Variants in CDIN1 observed in about 807,000 individuals in gnomAD.
CDIN1 encodes the protein CDAN1 interacting nuclease 1.
A neutral mutation model predicts 45.3 loss-of-function variants in CDIN1; 33 were observed. The observed-to-expected ratio is 0.73, with a 90% CI of 0.55 to 0.97. CDIN1 has a LOEUF of 0.97. CDIN1 is among the 50% of genes least tolerant of loss of function. CDIN1 has a pLI of 0.00. For missense variants in CDIN1, 303 were observed against 339.4 expected, an observed-to-expected ratio of 0.89 and a Z score of 0.84; for synonymous variants, 118 against 124.4, an observed-to-expected ratio of 0.95 and a Z score of 0.34.
chr15:36,687,098 G>T lies in CDIN1; in HGVS notation c.347-4587G>T, dbSNP rs1478712920. On this transcript the variant is annotated intron_variant, in intron 5 of 10. Transcript: ENST00000566621. The stretch of plus-strand genomic sequence containing the variant: ...TGTATTATATCCAAGGGAATAAAGG[G>T]TAATAGGGGAATAAAGAAAACTTAA... Among the ~76,000 whole-genome samples the T allele has an allele frequency of 2.0e-5, 3 of 152,070 alleles. No individual in the cohort carries two copies. The East Asian group carries it at 5.8e-4, about 29-fold the overall frequency.
chr15:36,712,291 A>C (rs1362168559), intron 10 of CDIN1, among the ~76,000 whole-genome samples: 2 of 94,806 alleles, frequency 2.1e-5, no homozygotes, highest in African/African-American at 8.4e-5. Flanking sequence ...TTTGAGATGG[A>C]GTCTCACTCT....
intron 10 of CDIN1, chr15:36,747,120 A>G: frequency 2.5e-6 from 1 of 395,978 alleles, no homozygotes; most frequent in East Asian, 3.6e-5. Flanking sequence ...CTCAGCAGTT[A>G]GTGCATTAAA....
chr15:36,768,584 G>A (rs1314700240), intron 10 of CDIN1, among the ~76,000 whole-genome samples: 5 of 152,162 alleles, frequency 3.3e-5, no homozygotes, highest in African/African-American at 4.8e-5. Context: ...CAAATCTGAG[G>A]TGTATCAGGC....
intron 10 of CDIN1, among the ~76,000 whole-genome samples, chr15:36,759,374 G>A (rs2053696381): frequency 6.6e-6 from 1 of 152,090 alleles, no homozygotes; most frequent in Non-Finnish European, 1.5e-5. Context: ...AGGTCTTGCA[G>A]GTCCATATCT....
At chr15:36,690,504 A>G (rs908568813) in intron 5 of CDIN1, among the ~76,000 whole-genome samples, 3 of 152,040 alleles carry the variant, frequency 2.0e-5, no homozygotes, top group South Asian at 2.1e-4. Context: ...TCCTGACCTC[A>G]AGATCCACCC....
chr15:36,673,414 G>A (rs924787854), intron 5 of CDIN1, among the ~76,000 whole-genome samples: 5 of 152,106 alleles, frequency 3.3e-5, no homozygotes, highest in African/African-American at 1.2e-4. Flanking sequence ...GTGCAAAAAA[G>A]TACGTTTTTA....
intron 10 of CDIN1, among the ~76,000 whole-genome samples, chr15:36,806,370 G>A (rs761125423): frequency 6.6e-6 from 1 of 151,650 alleles, no homozygotes; most frequent in Non-Finnish European, 1.5e-5. Context: ...CTTGCTCAGT[G>A]CTGGTGATAT....
intron 1 of CDIN1, among the ~76,000 whole-genome samples, chr15:36,599,251 C>T (rs890500266): frequency 2.0e-5 from 3 of 152,044 alleles, no homozygotes; most frequent in African/African-American, 7.2e-5. Context: ...TTAAAATATT[C>T]AGTAGGCAGC....
chr15:36,662,257 T>A (rs148488826), intron 5 of CDIN1, among the ~76,000 whole-genome samples: 1 of 152,180 alleles, frequency 6.6e-6, no homozygotes, highest in East Asian at 1.9e-4. Context: ...AAGATGAATG[T>A]TTTGTAGAGT....
intron 3 of CDIN1, among the ~76,000 whole-genome samples, chr15:36,650,171 G>A (rs1344115067): frequency 2.0e-5 from 3 of 152,106 alleles, no homozygotes. Flanking sequence ...CTATTGATGG[G>A]GACTTGCAGA....
At chr15:36,644,755 T>C (rs867077448) in intron 2 of CDIN1, among the ~76,000 whole-genome samples, 13 of 152,118 alleles carry the variant, frequency 8.5e-5, no homozygotes, top group African/African-American at 2.7e-4. Flanking sequence ...AAGTGGCAAG[T>C]CTCTATGGAA....
intron 5 of CDIN1, among the ~76,000 whole-genome samples, chr15:36,665,274 G>T (rs2041205375): frequency 6.6e-6 from 1 of 152,134 alleles, no homozygotes; most frequent in Non-Finnish European, 1.5e-5. Context: ...GAAAGATTTT[G>T]TCATTCAAGA....
Position 36,692,124 on chromosome 15 carries a change from A to C in CDIN1, c.427-2A>C. On this transcript the variant is annotated splice_acceptor_variant, in intron 6 of 10. Transcript: ENST00000566621. LOFTEE classifies it high-confidence loss of function. ...CAGACCCCTTTTCTTATTTGTCTGC[A>C]GTGCATTGTGAACGACTGCTGTTAC... The C allele has an allele frequency of 6.2e-7, 1 of 1,613,778 alleles. No homozygotes were observed. The highest frequency in any genetic ancestry group is 8.5e-7 in the Non-Finnish European group (1 of 1,179,810).
At chr15:36,707,257 C>A (rs2042900214) in intron 8 of CDIN1, 1 of 152,018 alleles carries the variant, frequency 6.6e-6, no homozygotes, top group African/African-American at 2.4e-5. Context: ...ACAATTATTA[C>A]TGAATCAGCT....
chr15:36,729,592 TG>T, intron 10 of CDIN1, among the ~76,000 whole-genome samples: 1 of 152,310 alleles, frequency 6.6e-6, no homozygotes, highest in Admixed American at 6.5e-5. Context: ...GATTTACATC[TG>T]AATTGTCAAA....
At position 36,634,706 on chromosome 15, in the gene CDIN1, G is replaced by A. The variant is rs561074127; in HGVS notation, c.102-9572G>A. Among the ~76,000 whole-genome samples, 29 of 152,084 alleles carry A rather than the reference G, an allele frequency of 1.9e-4. No homozygotes were observed. The South Asian group carries it at 4.6e-3, about 24-fold the overall frequency. ...TATTCCTTCTTGATGCTCTTATTTCGTTTCCTATTTTCTTTTGTGTGGTAG... is the reference window on the plus strand; with the variant it reads ...TATTCCTTCTTGATGCTCTTATTTCATTTCCTATTTTCTTTTGTGTGGTAG... On this transcript the variant is annotated intron_variant, in intron 1 of 10. Coordinates refer to ENST00000566621, the MANE Select transcript of CDIN1 (RefSeq NM_001321759.2).
chr15:36,768,267 C>A (rs2053977242), intron 10 of CDIN1, among the ~76,000 whole-genome samples: 1 of 152,240 alleles, frequency 6.6e-6, no homozygotes, highest in African/African-American at 2.4e-5. Context: ...ATGGAGGGGC[C>A]TGACCTTTGG....
intron 5 of CDIN1, among the ~76,000 whole-genome samples, chr15:36,682,114 T>G (rs1383853380): frequency 6.6e-6 from 1 of 151,872 alleles, no homozygotes; most frequent in Non-Finnish European, 1.5e-5. Flanking sequence ...ATTTATACAA[T>G]TATAGAGTCT....
intron 3 of CDIN1, among the ~76,000 whole-genome samples, chr15:36,653,485 A>G (rs1446986907): frequency 6.6e-6 from 1 of 150,832 alleles, no homozygotes; most frequent in Non-Finnish European, 1.5e-5. Context: ...CCCAGCTTCC[A>G]TGTCTGGGGT....
Sources: allele counts gnomAD v4.1 joint callset (sites outside exome capture counted in the v4.1 genomes callset), GRCh38; gene constraint gnomAD v4.1.1; transcripts MANE v1.5; gene names NCBI Gene and HGNC (gene_info 2026-07-23, HGNC 2026-07-21).